TRAPPC9: variants seen among roughly 807,000 people sequenced by gnomAD.
The protein encoded by TRAPPC9 is trafficking protein particle complex subunit 9.
A neutral mutation model predicts 124.0 loss-of-function variants in TRAPPC9; 83 were observed. The ratio of observed to expected loss-of-function variants is 0.67; its 90% CI spans 0.56 to 0.80. The LOEUF (loss-of-function observed/expected upper bound fraction) is 0.80. TRAPPC9 is among the 30% of genes least tolerant of loss of function. TRAPPC9 has a pLI of 0.00. For missense variants in TRAPPC9, 1,302 were observed against 1,508.3 expected, an observed-to-expected ratio of 0.86 and a Z score of 2.27; for synonymous variants, 638 against 617.5, an observed-to-expected ratio of 1.03 and a Z score of -0.49.
chr8:139,938,227 G>A (rs1417420373), intron 19 of TRAPPC9, among the ~76,000 whole-genome samples: 1 of 152,176 alleles, frequency 6.6e-6, no homozygotes, highest in Non-Finnish European at 1.5e-5. Flanking sequence ...CAACTCAGCC[G>A]TCCCTATGCC....
At chr8:140,316,965 C>T (rs1222879524) in intron 9 of TRAPPC9, among the ~76,000 whole-genome samples, 3 of 152,162 alleles carry the variant, frequency 2.0e-5, no homozygotes, top group African/African-American at 2.4e-5. Flanking sequence ...TATGTGTCCA[C>T]GCAGTTATCC....
In TRAPPC9 at chr8:139,788,575, T is replaced by C. The variant is rs1424529689; in HGVS notation, c.3056-56373A>G. ...GTGCCAGCAGACCCTGGCATGGAGGTCCGTGGCCACTCCACGACAGCCCAT... is the reference window on the plus strand; with the variant it reads ...GTGCCAGCAGACCCTGGCATGGAGGCCCGTGGCCACTCCACGACAGCCCAT... On this transcript the variant is annotated intron_variant, in intron 21 of 22. Coordinates refer to ENST00000438773, the MANE Select transcript of TRAPPC9 (RefSeq NM_001160372.4). The surrounding 1 kb of genome is among the most constrained non-coding windows in gnomAD (Gnocchi z 4.9). Among the ~76,000 whole-genome samples, 1 of 151,998 alleles carries C rather than the reference T, an allele frequency of 6.6e-6. No homozygotes were observed. The highest frequency in any genetic ancestry group is 1.5e-5 in the Non-Finnish European group (1 of 67,994).
At chr8:140,261,063 A>G (rs1260292917) in intron 15 of TRAPPC9, among the ~76,000 whole-genome samples, 1 of 152,170 alleles carries the variant, frequency 6.6e-6, no homozygotes, top group African/African-American at 2.4e-5. Flanking sequence ...CTGTCATCCC[A>G]AGACGCCCTG....
At chr8:139,857,180 C>A (rs201805671) in intron 21 of TRAPPC9, among the ~76,000 whole-genome samples, 1 of 152,164 alleles carries the variant, frequency 6.6e-6, no homozygotes, top group African/African-American at 2.4e-5. Context: ...GGGATCAGCA[C>A]AGCAGAGGAG....
At position 140,221,554 on chromosome 8, in the gene TRAPPC9, A is replaced by G; in HGVS notation, c.2461T>C (p.Ser821Pro). ...CGAACGACCTGCCGAAAAGGACTGG[A>G]CAGGGGAAAGCCACTCACACTGATT... ...DGISVSGFPL[S>P]SPFRQVVRPR... The change falls in exon 17 of 23, where the codon TCC becomes CCC. Residue 821 changes from serine (S) to proline (P), a missense_variant. Coordinates refer to ENST00000438773, the MANE Select transcript of TRAPPC9 (RefSeq NM_001160372.4). 6.2e-7 allele frequency: 1 copy of G among 1,614,136 alleles called. No homozygotes were observed. The highest frequency in any genetic ancestry group is 1.1e-5 in the South Asian group (1 of 91,078).
chr8:140,345,775 A>C (rs892425450), intron 9 of TRAPPC9, among the ~76,000 whole-genome samples: 1 of 152,240 alleles, frequency 6.6e-6, no homozygotes, highest in Non-Finnish European at 1.5e-5. Context: ...TGCAGGAGTC[A>C]GCTACCAAAA....
intron 17 of TRAPPC9, among the ~76,000 whole-genome samples, chr8:140,103,225 G>C (rs564192297): frequency 6.6e-6 from 1 of 152,246 alleles, no homozygotes; most frequent in South Asian, 2.1e-4. Flanking sequence ...AATTGTTTAC[G>C]AGCTTCCCTT....
chr8:140,140,018 C>T (rs1378701474), intron 17 of TRAPPC9, among the ~76,000 whole-genome samples: 6 of 152,164 alleles, frequency 3.9e-5, no homozygotes, highest in Admixed American at 1.3e-4. Flanking sequence ...TGAATAACAA[C>T]GACCACACCC....
intron 5 of TRAPPC9, among the ~76,000 whole-genome samples, chr8:140,417,818 C>T (rs1428397170): frequency 6.6e-6 from 1 of 152,168 alleles, no homozygotes; most frequent in Non-Finnish European, 1.5e-5. Context: ...ACCCAAATGT[C>T]CAACAATGAT....
chr8:139,838,111 A>G (rs1432678097), intron 21 of TRAPPC9, among the ~76,000 whole-genome samples: 1 of 152,026 alleles, frequency 6.6e-6, no homozygotes, highest in African/African-American at 2.4e-5. Context: ...GAATTCTCCC[A>G]GTTCCCCACA....
intron 21 of TRAPPC9, among the ~76,000 whole-genome samples, chr8:139,881,692 A>G (rs1829684331): frequency 9.8e-6 from 1 of 101,646 alleles, no homozygotes; most frequent in South Asian, 3.2e-4. Context: ...CCAGAAAAAA[A>G]CAGCTGGCCT....
chr8:140,072,741 C>A (rs1843265586), intron 17 of TRAPPC9, among the ~76,000 whole-genome samples: 1 of 151,708 alleles, frequency 6.6e-6, no homozygotes, highest in South Asian at 2.1e-4. Context: ...AACATAGTGT[C>A]ACTATATGTA....
At chr8:140,267,052 A>G (rs1027567199) in intron 15 of TRAPPC9, among the ~76,000 whole-genome samples, 3 of 151,504 alleles carry the variant, frequency 2.0e-5, no homozygotes, top group African/African-American at 7.3e-5. Flanking sequence ...CTGTAATAGT[A>G]AGAATTAAAA....
rs150355072 is a variant in TRAPPC9 at position 140,343,716 on chromosome 8, C to T, written c.1495+16334G>A. ...ACCTGGCACACACCTCCTGTCCTGG[C>T]CTCCCCGGGGTCCCTGCAAAGCACA... On this transcript the variant is annotated intron_variant, in intron 9 of 22. Transcript: ENST00000438773. Among the ~76,000 whole-genome samples, 352 of 152,310 alleles carry T rather than the reference C, an allele frequency of 2.3e-3. 1 individual carries two copies. Among genetic ancestry groups the T allele is most frequent in the African/African-American group, 8.0e-3 (334 of 41,566 alleles).
At chr8:140,319,992 A>G (rs2066550696) in intron 9 of TRAPPC9, among the ~76,000 whole-genome samples, 1 of 152,210 alleles carries the variant, frequency 6.6e-6, no homozygotes, top group Non-Finnish European at 1.5e-5. Flanking sequence ...GGTACTCTGA[A>G]CAGGTAGAGA....
intron 21 of TRAPPC9, among the ~76,000 whole-genome samples, chr8:139,734,049 G>A (rs529399552): frequency 7.2e-4 from 109 of 152,340 alleles, no homozygotes; most frequent in Non-Finnish European, 1.0e-3. Context: ...TGAAGAGGAT[G>A]GGGGCAGAGG....
chr8:140,284,153 G>A (rs2065415751), intron 13 of TRAPPC9, 132 bp from the exon 14 acceptor site: 24 of 1,200,372 alleles, frequency 2.0e-5, no homozygotes, highest in Non-Finnish European at 2.8e-5. Flanking sequence ...GGGCCCGCCG[G>A]CGCTCACCCA....
intron 17 of TRAPPC9, among the ~76,000 whole-genome samples, chr8:140,123,363 A>G (rs2061023006): frequency 6.6e-6 from 1 of 152,106 alleles, no homozygotes; most frequent in Non-Finnish European, 1.5e-5. Flanking sequence ...TCCTGCTGAA[A>G]AACCCTTCCC....
chr8:140,309,262 T>C (rs981749919), intron 10 of TRAPPC9, among the ~76,000 whole-genome samples: 2 of 152,388 alleles, frequency 1.3e-5, no homozygotes, highest in African/African-American at 2.4e-5. Flanking sequence ...CTCTGCGCTT[T>C]TGTGTGCCTC....
Sources: gnomAD v4.1 joint callset for allele counts (sites outside exome capture counted in the v4.1 genomes callset) on GRCh38, gnomAD v4.1.1 for gene constraint, Gnocchi (gnomAD v3.1) non-coding constraint, MANE v1.5 for transcripts, NCBI Gene and HGNC (gene_info 2026-07-23, HGNC 2026-07-21) for gene names.